BMF: variants seen among roughly 807,000 people sequenced by gnomAD.
The protein encoded by BMF is bcl-2-modifying factor.
In BMF, 10 loss-of-function variants were observed where a neutral mutation model predicts 22.0. The ratio of observed to expected loss-of-function variants is 0.45; its 90% CI spans 0.28 to 0.77. The LOEUF (loss-of-function observed/expected upper bound fraction) is 0.77. BMF is among the 30% of genes least tolerant of loss of function. The pLI is 0.13. For missense variants in BMF, 206 were observed against 226.8 expected (o/e 0.91, Z 0.59); for synonymous variants, 87 against 88.1 (o/e 0.99, Z 0.07).
chr15:40,108,857 C>A lies in BMF; in HGVS notation c.-218G>T, dbSNP rs531629877. The A allele has an allele frequency of 1.5e-3, 234 of 153,400 alleles. 2 individuals are homozygous for A. The highest frequency in any genetic ancestry group is 1.8e-3 in the South Asian group (10 of 5,676). The allele number at this position is 153,400 out of a possible 1,614,324, so 9.5% of individuals were successfully genotyped here. On this transcript the variant is annotated 5_prime_UTR_variant, in exon 1 of 5. Transcript: ENST00000354670. ...CGGGGCGGGAGGAGGCCACTCCGCACGGTGCGGTATTGTTTCCAAAATACG... is the reference window on the plus strand; with the variant it reads ...CGGGGCGGGAGGAGGCCACTCCGCAAGGTGCGGTATTGTTTCCAAAATACG...
intron 4 of BMF, among the ~76,000 whole-genome samples, chr15:40,098,011 A>G (rs2036401309): frequency 6.6e-6 from 1 of 152,130 alleles, no homozygotes; most frequent in Non-Finnish European, 1.5e-5. Context: ...ACTGCCTCAG[A>G]CTGCTTCTGA....
rs373897311 is a variant in BMF, at chr15:40,104,273, G to A, written c.360C>T (p.Pro120=). ...FPAVLPIGEQ[P]PEGQWQHQAE... is the part of the protein sequence containing the mutation. ...CTTGATGTTGCCACTGCCCTTCGGGGGGCTGCTCCCCAATGGGCAAGACTG... is the reference window on the plus strand; with the variant it reads ...CTTGATGTTGCCACTGCCCTTCGGGAGGCTGCTCCCCAATGGGCAAGACTG... The change falls in exon 4 of 5, where the codon CCC becomes CCT. Residue 120 remains proline (P), a synonymous_variant. Coordinates refer to ENST00000354670, the MANE Select transcript of BMF (RefSeq NM_001003940.2). 3.1e-6 allele frequency: 5 copies of A among 1,614,090 alleles called. No homozygotes were observed. In the African/African-American group the frequency reaches 5.3e-5, roughly 17 times the overall value.
chr15:40,106,427 C>T lies in BMF; in HGVS notation c.-5-336G>A, dbSNP rs1468705664. The T allele has an allele frequency of 4.2e-6, 1 of 236,590 alleles. No individual in the cohort carries two copies. The highest frequency in any genetic ancestry group is 8.3e-6 in the Non-Finnish European group (1 of 120,216). The allele number at this position is 236,590 out of a possible 1,614,324, so 14.7% of individuals were successfully genotyped here. On this transcript the variant is annotated intron_variant, in intron 2 of 4. Coordinates refer to ENST00000354670, the MANE Select transcript of BMF (RefSeq NM_001003940.2). The surrounding 1 kb of genome is among the most constrained non-coding windows in gnomAD (Gnocchi z 4.1). ...CAGGAGTAGAATCAGCAGCTATATG[C>T]ATGCAGGGTACCTGGGAAAATATAA...
Position 40,088,414 on chromosome 15 carries a change from AGCCCAGG to A in BMF, c.*3366_*3372del, listed in dbSNP as rs2036172587. 6.6e-6 allele frequency: 1 copy of A among 152,344 alleles called. No individual in the cohort carries two copies. The highest frequency in any genetic ancestry group is 6.5e-5 in the Admixed American group (1 of 15,292). The allele number at this position is 152,344 out of a possible 1,614,324, so 9.4% of individuals were successfully genotyped here. On this transcript the variant is annotated 3_prime_UTR_variant, in exon 5 of 5. Transcript: ENST00000354670. The stretch of plus-strand genomic sequence containing the variant: ...CACCTTCACACACAGAGCTGTTTCC[AGCCCAGG>A]CCAGCACTGATTTGCAGAAGGCCTG...
intron 4 of BMF, among the ~76,000 whole-genome samples, 153 bp from the exon 5 acceptor site, chr15:40,092,041 G>T (rs1190064396): frequency 6.6e-6 from 1 of 152,214 alleles, no homozygotes; most frequent in Non-Finnish European, 1.5e-5. Flanking sequence ...AGGGGGAGGT[G>T]AAAGAGACAC....
chr15:40,105,746 C>T (rs1567035996), intron 3 of BMF, 49 bp downstream of exon 3: 8 of 1,526,684 alleles, frequency 5.2e-6, no homozygotes, highest in Non-Finnish European at 7.0e-6. Context: ...AAAGTCCCCT[C>T]TTTTCCCCCA....
In BMF at chr15:40,106,025, T is replaced by TCC. The variant is rs758065512; in HGVS notation, c.60_61dup (p.Glu21GlyfsTer4). ...CAAGCTCCCGGGTTGGGTCACCGGC[T>TCC]CCCCATCCTCTGGTTGGAACACATC... On this transcript the variant is annotated frameshift_variant, in exon 3 of 5. Transcript: ENST00000354670. LOFTEE classifies it high-confidence loss of function. This position sits in a 1 kb window ranked among gnomAD's most constrained non-coding sequence, Gnocchi z 4.1. 2 of 1,613,558 alleles carry TCC rather than the reference T, an allele frequency of 1.2e-6. No individual in the cohort carries two copies. The highest frequency in any genetic ancestry group is 2.7e-5 in the African/African-American group (2 of 74,870).
chr15:40,091,960 A>G, intron 4 of BMF, 72 bp from the exon 5 acceptor site: 1 of 1,196,104 alleles, frequency 8.4e-7, no homozygotes, highest in Non-Finnish European at 1.2e-6. Flanking sequence ...TCTCATTTCC[A>G]GTAAAAGTTC....
Position 40,107,112 on chromosome 15 carries a change from C to G in BMF, c.-5-1021G>C, listed in dbSNP as rs566483896. Among the ~76,000 whole-genome samples the G allele has an allele frequency of 3.9e-5, 6 of 152,290 alleles. No individual in the cohort carries two copies. In the South Asian group the frequency reaches 1.2e-3, roughly 32 times the overall value. ...GGCTCTTGAAAGTCTGAGCTTGGAGCTACTCAGCATCTTAAGCTTCCAACC... is the reference window on the plus strand; with the variant it reads ...GGCTCTTGAAAGTCTGAGCTTGGAGGTACTCAGCATCTTAAGCTTCCAACC... On this transcript the variant is annotated intron_variant, in intron 2 of 4. Coordinates refer to ENST00000354670, the MANE Select transcript of BMF (RefSeq NM_001003940.2).
At position 40,091,754 on chromosome 15, in the gene BMF, C is replaced by G. The variant is rs570543549; in HGVS notation, c.*33G>C. 3 of 1,494,074 alleles carry G rather than the reference C, an allele frequency of 2.0e-6. No homozygotes were observed. Among genetic ancestry groups the G allele is most frequent in the East Asian group, 4.6e-5 (2 of 43,206 alleles). The allele number at this position is 1,494,074 out of a possible 1,614,324, so 92.6% of individuals were successfully genotyped here. ...TGTCCTTCCTGTTCCAGACGGTGTT[C>G]CTGGTGCCCCATGTGAAGAGGGCAG... On this transcript the variant is annotated 3_prime_UTR_variant, in exon 5 of 5. Transcript: ENST00000354670.
intron 1 of BMF, 179 bp downstream of exon 1, chr15:40,108,594 A>C (rs908106705): frequency 1.3e-5 from 2 of 152,500 alleles, no homozygotes; most frequent in Non-Finnish European, 2.9e-5. Context: ...CAGCGCACCC[A>C]ACTGTGGGTT....
In BMF at chr15:40,089,913, C is replaced by T. The variant is rs1272421445; in HGVS notation, c.*1874G>A. On this transcript the variant is annotated 3_prime_UTR_variant, in exon 5 of 5. Transcript: ENST00000354670. ...GCTCCTTCTCTGCAAAGCAGGAACCCGTCTTCTTAGCAGACAAATCATGGT... is the reference window on the plus strand; with the variant it reads ...GCTCCTTCTCTGCAAAGCAGGAACCTGTCTTCTTAGCAGACAAATCATGGT... 1.3e-5 allele frequency: 2 copies of T among 152,648 alleles called. No individual in the cohort carries two copies. Among genetic ancestry groups the T allele is most frequent in the African/African-American group, 4.8e-5 (2 of 41,462 alleles). 9.5% of individuals were successfully genotyped at this position (152,648 alleles called of 1,614,324 possible).
intron 4 of BMF, among the ~76,000 whole-genome samples, chr15:40,103,074 CT>C (rs2036512162): frequency 6.6e-6 from 1 of 152,248 alleles, no homozygotes; most frequent in Non-Finnish European, 1.5e-5. Flanking sequence ...TCCTCTTCCC[CT>C]GGCACTGGTA....
chr15:40,099,047 A>G (rs1351678427), intron 4 of BMF, among the ~76,000 whole-genome samples: 4 of 152,184 alleles, frequency 2.6e-5, no homozygotes, highest in Non-Finnish European at 5.9e-5. Context: ...TTCCCCTGGC[A>G]CTGTCCTAGG....
At chr15:40,091,965 A>C in intron 4 of BMF, 77 bp from the exon 5 acceptor site, 2 of 1,133,732 alleles carry the variant, frequency 1.8e-6, no homozygotes, top group Non-Finnish European at 1.3e-6. Context: ...TTTCCAGTAA[A>C]AGTTCAGATC....
rs2036205157 is a variant in BMF, at chr15:40,090,065, C to T, written c.*1722G>A. On this transcript the variant is annotated 3_prime_UTR_variant, in exon 5 of 5. Coordinates refer to ENST00000354670, the MANE Select transcript of BMF (RefSeq NM_001003940.2). Reference sequence around the variant, plus strand: ...TCCAGGGTGCTGTGAGCCCATATGGCACCTTTGCAAATTAGGAAAGGCACC... The same window carrying T: ...TCCAGGGTGCTGTGAGCCCATATGGTACCTTTGCAAATTAGGAAAGGCACC... 6.6e-6 allele frequency: 1 copy of T among 152,580 alleles called. No homozygotes were observed. Among genetic ancestry groups the T allele is most frequent in the African/African-American group, 2.4e-5 (1 of 41,470 alleles). 9.5% of individuals were successfully genotyped at this position (152,580 alleles called of 1,614,324 possible).
At chr15:40,101,812 A>G (rs1269837450) in intron 4 of BMF, among the ~76,000 whole-genome samples, 1 of 152,152 alleles carries the variant, frequency 6.6e-6, no homozygotes, top group African/African-American at 2.4e-5. Context: ...TCTGGGGAGA[A>G]CTGTTTAAGG....
chr15:40,098,060 A>G (rs908427735), intron 4 of BMF, among the ~76,000 whole-genome samples: 2 of 152,208 alleles, frequency 1.3e-5, no homozygotes, highest in African/African-American at 4.8e-5. Flanking sequence ...GCAAAACGGA[A>G]AAGGAAAAAA....
intron 4 of BMF, among the ~76,000 whole-genome samples, chr15:40,097,501 C>T (rs887510737): frequency 2.3e-4 from 35 of 152,166 alleles, no homozygotes; most frequent in Admixed American, 1.6e-3. Flanking sequence ...CCTTGTTTTC[C>T]GGAATGTGAT....
Sources: gnomAD v4.1 joint callset for allele counts (sites outside exome capture counted in the v4.1 genomes callset) on GRCh38, gnomAD v4.1.1 for gene constraint, Gnocchi (gnomAD v3.1) non-coding constraint, MANE v1.5 for transcripts, NCBI Gene and HGNC (gene_info 2026-07-23, HGNC 2026-07-21) for gene names.